Variants in ZNF644 observed in about 807,000 individuals in gnomAD.
ZNF644 encodes zinc finger protein 644, also known as zinc finger motif enhancer binding protein 2.
Under a neutral mutation model 108.0 loss-of-function variants are expected in ZNF644, and 20 were observed. That is an observed-to-expected ratio of 0.19 (90% CI 0.13 to 0.27). The LOEUF (loss-of-function observed/expected upper bound fraction) is 0.27, where lower values mean the gene tolerates loss of function less well. Ranked by LOEUF, ZNF644 falls within the 10% of genes least tolerant of loss-of-function variation. ZNF644 has a pLI of 1.00. For synonymous variants in ZNF644, 542 were observed against 539.1 expected, an observed-to-expected ratio of 1.01 and a Z score of -0.08; for missense variants, 1,338 against 1,548.9, an observed-to-expected ratio of 0.86 and a Z score of 2.29.
intron 1 of ZNF644, among the ~76,000 whole-genome samples, chr1:90,988,246 T>C (rs1029944670): frequency 1.5e-4 from 23 of 152,134 alleles, no homozygotes; most frequent in Non-Finnish European, 7.4e-5. Context: ...CAAACATCAA[T>C]TGTATTTCAA....
chr1:90,939,405 G>A lies in ZNF644; in HGVS notation c.1949C>T (p.Thr650Ile). 1.2e-6 allele frequency: 2 copies of A among 1,613,966 alleles called. No individual in the cohort carries two copies. Among genetic ancestry groups the A allele is most frequent in the South Asian group, 1.1e-5 (1 of 91,076 alleles). ...TKTLTKQQST[T>I]FPKNSALKQD... ...TTTTAAAGCAGAGTTCTTTGGAAAT[G>A]TGGTTGACTGTTGTTTAGTTAATGT... Residue 650 changes from threonine to isoleucine, a missense_variant, in exon 3 of 6, where the codon ACA (threonine) becomes ATA (isoleucine). By Grantham distance (89) the Thr-to-Ile change is moderately conservative (BLOSUM62 -1). Coordinates refer to ENST00000337393, the MANE Select transcript of ZNF644 (RefSeq NM_201269.3).
Position 90,916,209 on chromosome 1 carries a change from C to T in ZNF644, c.*589G>A, listed in dbSNP as rs183644696. 1.7e-3 allele frequency: 259 copies of T among 152,566 alleles called. 2 individuals carry two copies. Among genetic ancestry groups the T allele is most frequent in the African/African-American group, 6.1e-3 (255 of 41,492 alleles). 9.5% of individuals were successfully genotyped at this position (152,566 alleles called of 1,614,324 possible). ...ACTTGTTTAAACAAATCTCCCTCCA[C>T]TTTTTAGTATAAAAAAAACCGTTCC... On this transcript the variant is annotated 3_prime_UTR_variant, in exon 6 of 6. Transcript: ENST00000337393.
chr1:90,963,483 T>C (rs1654533421), intron 2 of ZNF644, among the ~76,000 whole-genome samples: 1 of 152,168 alleles, frequency 6.6e-6, no homozygotes, highest in Non-Finnish European at 1.5e-5. Flanking sequence ...CTAGTCTTGG[T>C]ATACACCTAG....
chr1:91,002,768 G>A lies in ZNF644; in HGVS notation c.-18+19222C>T, dbSNP rs145451671. Among the ~76,000 whole-genome samples, 457 of 152,192 alleles carry A rather than the reference G, an allele frequency of 3.0e-3. 2 individuals are homozygous for A. Among genetic ancestry groups the A allele is most frequent in the African/African-American group, 0.011 (444 of 41,518 alleles). ...ACCTACAGAACGGGAGAAAATTTTTGCAATTTACTCATCTGACAAAGGGCT... is the reference window on the plus strand; with the variant it reads ...ACCTACAGAACGGGAGAAAATTTTTACAATTTACTCATCTGACAAAGGGCT... On this transcript the variant is annotated intron_variant, in intron 1 of 5. Coordinates refer to ENST00000337393, the MANE Select transcript of ZNF644 (RefSeq NM_201269.3).
intron 2 of ZNF644, among the ~76,000 whole-genome samples, chr1:90,961,719 T>C (rs1654361624): frequency 1.3e-5 from 2 of 152,166 alleles, no homozygotes; most frequent in Non-Finnish European, 2.9e-5. Flanking sequence ...AATGGAATAT[T>C]ATTATATTAA....
At chr1:90,992,910 G>A (rs753831401) in intron 1 of ZNF644, among the ~76,000 whole-genome samples, 31 of 152,060 alleles carry the variant, frequency 2.0e-4, no homozygotes, top group Non-Finnish European at 3.7e-4. Flanking sequence ...CAGGTGTGGT[G>A]GTGCATGTCT....
chr1:90,997,412 A>C lies in ZNF644; in HGVS notation c.-17-15042T>G, dbSNP rs137876178. 9.5e-4 allele frequency among the ~76,000 whole-genome samples: 145 copies of C among 152,324 alleles called. 2 individuals are homozygous for C. Among genetic ancestry groups the C allele is most frequent in the Middle Eastern group, 6.8e-3 (2 of 294 alleles). Reference sequence around the variant, plus strand: ...GAGATTTCAGTGCCCATATGTGACAAAGAATATAGATTTCATAGAATTAGT... The same window carrying C: ...GAGATTTCAGTGCCCATATGTGACACAGAATATAGATTTCATAGAATTAGT... On this transcript the variant is annotated intron_variant, in intron 1 of 5. Transcript: ENST00000337393.
In ZNF644 at chr1:90,951,368, C is replaced by T. The variant is rs529707869; in HGVS notation, c.45-10059G>A. 5.3e-5 allele frequency among the ~76,000 whole-genome samples: 8 copies of T among 152,312 alleles called. No individual in the cohort carries two copies. In the East Asian group the frequency reaches 1.2e-3, roughly 22 times the overall value. The stretch of plus-strand genomic sequence containing the variant: ...CTACTACCTAGTAACCCTTTGACTT[C>T]GTTTCCTACTCCTCTCCCCAACTCA... On this transcript the variant is annotated intron_variant, in intron 2 of 5. Transcript: ENST00000337393.
At chr1:90,989,999 T>C (rs1423523589) in intron 1 of ZNF644, among the ~76,000 whole-genome samples, 3 of 149,226 alleles carry the variant, frequency 2.0e-5, no homozygotes, top group Non-Finnish European at 3.0e-5. Flanking sequence ...AAGGAAATTG[T>C]GTCACATGCT....
intron 2 of ZNF644, among the ~76,000 whole-genome samples, chr1:90,945,893 C>T (rs1186190979): frequency 6.6e-6 from 1 of 152,002 alleles, no homozygotes; most frequent in African/African-American, 2.4e-5. Flanking sequence ...AAATATAGTA[C>T]AATTTGCCCT....
chr1:90,927,583 T>C (rs1650193898), intron 4 of ZNF644, among the ~76,000 whole-genome samples: 2 of 152,192 alleles, frequency 1.3e-5, no homozygotes, highest in Non-Finnish European at 2.9e-5. Context: ...CTAGAGAATT[T>C]ACTCAACTCA....
intron 5 of ZNF644, among the ~76,000 whole-genome samples, chr1:90,917,429 T>A (rs934313661): frequency 3.3e-5 from 5 of 152,136 alleles, no homozygotes; most frequent in Non-Finnish European, 7.4e-5. Flanking sequence ...AAGCGAGAAC[T>A]CAAGACAACA....
At position 90,938,669 on chromosome 1, in the gene ZNF644, G is replaced by A. The variant is rs1312537992; in HGVS notation, c.2685C>T (p.Ser895=). The A allele has an allele frequency of 2.5e-6, 4 of 1,611,202 alleles. No homozygotes were observed. Among genetic ancestry groups the A allele is most frequent in the Admixed American group, 1.7e-5 (1 of 59,504 alleles). ...CTCCAGGCTCCTGACCTTCCACTTTGCTCTTAAATAAAGGGAATAAATTTA... is the reference window on the plus strand; with the variant it reads ...CTCCAGGCTCCTGACCTTCCACTTTACTCTTAAATAAAGGGAATAAATTTA... The part of the protein sequence containing the change: ...EHVNLFPLFK[S]KVEGQEPGEN... The change falls in exon 3 of 6, where the codon AGC becomes AGT. Residue 895 remains serine, a synonymous_variant. Coordinates refer to ENST00000337393, the MANE Select transcript of ZNF644 (RefSeq NM_201269.3). The surrounding 1 kb of genome is among the most constrained non-coding windows in gnomAD (Gnocchi z 4.2).
chr1:91,013,496 CACACAT>C (rs1660163598), intron 1 of ZNF644, among the ~76,000 whole-genome samples: 7 of 150,822 alleles, frequency 4.6e-5, no homozygotes, highest in African/African-American at 1.7e-4. Flanking sequence ...CACACACACA[CACACAT>C]ATACACACCC....
rs1161427280 is a variant in ZNF644 at position 90,937,620 on chromosome 1, T to C, written c.3553A>G (p.Asn1185Asp). 1 of 1,613,916 alleles carries C rather than the reference T, an allele frequency of 6.2e-7. No individual in the cohort carries two copies. The highest frequency in any genetic ancestry group is 8.5e-7 in the Non-Finnish European group (1 of 1,179,858). The change falls in exon 4 of 6, where the codon AAT becomes GAT. Residue 1185 changes from asparagine to aspartate, a missense_variant. Transcript: ENST00000337393. ...ATCTTTTGAGGAGAAATAGCAGAAT[T>C]CCTTTCTTCTCCCATCCTTTTATTT... Reference protein sequence around the residue: ...LKNKRMGEERNSAISPQKIHN... With the variant: ...LKNKRMGEERDSAISPQKIHN...
At chr1:91,019,608 G>A (rs1660719176) in intron 1 of ZNF644, among the ~76,000 whole-genome samples, 1 of 152,122 alleles carries the variant, frequency 6.6e-6, no homozygotes, top group Admixed American at 6.5e-5. Flanking sequence ...GTCTTGCTGT[G>A]TCACCAGACT....
At chr1:91,000,866 C>A (rs770959852) in intron 1 of ZNF644, among the ~76,000 whole-genome samples, 45 of 151,732 alleles carry the variant, frequency 3.0e-4, no homozygotes, top group Middle Eastern at 3.2e-3. Context: ...ACCACCGATC[C>A]CACACAAATA....
In ZNF644 at chr1:90,916,499, T is replaced by A. The variant is rs1648775475; in HGVS notation, c.*299A>T. 2.6e-6 allele frequency: 1 copy of A among 385,338 alleles called. No homozygotes were observed. Among genetic ancestry groups the A allele is most frequent in the Non-Finnish European group, 4.8e-6 (1 of 207,610 alleles). 23.9% of individuals were successfully genotyped at this position (385,338 alleles called of 1,614,324 possible). A position where few individuals can be genotyped will look rare whatever the true frequency, so the allele number is the denominator to read the frequency against. On this transcript the variant is annotated 3_prime_UTR_variant, in exon 6 of 6. Coordinates refer to ENST00000337393, the MANE Select transcript of ZNF644 (RefSeq NM_201269.3). ...AACATAATTGTCCAATAAGTCTGTCTATAAGTATCCATGTGCAACAGTTTA... is the reference window on the plus strand; with the variant it reads ...AACATAATTGTCCAATAAGTCTGTCAATAAGTATCCATGTGCAACAGTTTA...
intron 1 of ZNF644, among the ~76,000 whole-genome samples, chr1:91,008,982 T>G (rs1659696024): frequency 6.6e-6 from 1 of 152,152 alleles, no homozygotes; most frequent in Non-Finnish European, 1.5e-5. Context: ...CTCACACCTG[T>G]AATCACAGCA....
Sources: allele counts gnomAD v4.1 joint callset (sites outside exome capture counted in the v4.1 genomes callset), GRCh38; gene constraint gnomAD v4.1.1; non-coding constraint Gnocchi (gnomAD v3.1); transcripts MANE v1.5; gene names NCBI Gene and HGNC (gene_info 2026-07-23, HGNC 2026-07-21).